Variants in EPM2A observed in about 807,000 individuals in gnomAD.
EPM2A encodes laforin.
A neutral mutation model predicts 26.5 loss-of-function variants in EPM2A; 21 were observed. The ratio of observed to expected loss-of-function variants is 0.79; its 90% confidence interval spans 0.56 to 1.14. The LOEUF (loss-of-function observed/expected upper bound fraction) is 1.14. Ranked by LOEUF, EPM2A falls within the 50% of genes most tolerant of loss-of-function variation. The pLI, the probability that EPM2A is intolerant of heterozygous loss-of-function variation, is 0.00. For missense variants in EPM2A, 458 were observed against 440.8 expected (o/e 1.04, Z -0.35); for synonymous variants, 217 against 177.6 (o/e 1.22, Z -1.76).
intron 1 of EPM2A, among the ~76,000 whole-genome samples, chr6:145,727,035 G>T (rs140934032): frequency 0.011 from 1,653 of 152,112 alleles, 13 homozygotes; most frequent in Admixed American, 0.018. Context: ...ATTCTGAACA[G>T]TTTATTCTTA....
At chr6:145,524,741 T>A (rs1424469656) in intron 2 of EPM2A, among the ~76,000 whole-genome samples, 1 of 152,228 alleles carries the variant, frequency 6.6e-6, no homozygotes, top group Non-Finnish European at 1.5e-5. Context: ...TATTGATAGT[T>A]ACTTTTGCTG....
intron 1 of EPM2A, among the ~76,000 whole-genome samples, chr6:145,724,056 G>A (rs749225143): frequency 3.2e-4 from 49 of 152,072 alleles, no homozygotes; most frequent in Non-Finnish European, 4.6e-4. Context: ...CTGAATACAT[G>A]AGGCATTCAG....
At chr6:145,464,604 T>C (rs1779364224) in intron 4 of EPM2A, among the ~76,000 whole-genome samples, 2 of 152,182 alleles carry the variant, frequency 1.3e-5, no homozygotes, top group South Asian at 2.1e-4. Flanking sequence ...ATTTAGTTCA[T>C]TGTATAATTT....
intron 1 of EPM2A, among the ~76,000 whole-genome samples, chr6:145,713,760 CA>C (rs1775466675): frequency 6.6e-6 from 1 of 152,120 alleles, no homozygotes; most frequent in South Asian, 2.1e-4. Flanking sequence ...CAAGTAAAAA[CA>C]TATGTTCACA....
chr6:145,656,536 A>G (rs1490691759), intron 2 of EPM2A, among the ~76,000 whole-genome samples: 1 of 152,250 alleles, frequency 6.6e-6, no homozygotes, highest in Admixed American at 6.5e-5. Context: ...GGACACTGAG[A>G]TTTGGCATAT....
chr6:145,490,387 G>T, intron 4 of EPM2A: 1 of 938,004 alleles, frequency 1.1e-6, no homozygotes. Context: ...TTGGCATGCA[G>T]TGAGGTGACA....
intron 4 of EPM2A, among the ~76,000 whole-genome samples, chr6:145,464,757 G>C (rs532210128): frequency 6.6e-6 from 1 of 151,742 alleles, no homozygotes; most frequent in African/African-American, 2.4e-5. Flanking sequence ...TGTTATATAG[G>C]TAGATATGAC....
rs1266559813 is a variant in EPM2A, at chr6:145,419,179, G to GCCCA, written c.556-35083_556-35082insTGGG. ...ATTGCCCAAGCAAATTCTGTTAAAT[G>GCCCA]TCCCCCCCCCCCGCTCCTTTCCCCA... On this transcript the variant is annotated intron_variant, in intron 4 of 4. Transcript: ENST00000638717. Among the ~76,000 whole-genome samples the GCCCA allele has an allele frequency of 3.6e-4, 49 of 136,286 alleles. 1 individual carries two copies. The highest frequency in any genetic ancestry group is 3.6e-3 in the Middle Eastern group (1 of 274). 89.4% of individuals were successfully genotyped at this position (136,286 alleles called of 152,430 possible). A position where few individuals can be genotyped will look rare whatever the true frequency, so the allele number is the denominator to read the frequency against.
At chr6:145,443,790 G>A (rs1458288612) in intron 4 of EPM2A, among the ~76,000 whole-genome samples, 1 of 152,064 alleles carries the variant, frequency 6.6e-6, no homozygotes, top group Non-Finnish European at 1.5e-5. Flanking sequence ...CATGGGGGTG[G>A]GTATTTCCCA....
intron 1 of EPM2A, among the ~76,000 whole-genome samples, chr6:145,708,049 C>T (rs1374043206): frequency 1.3e-5 from 2 of 152,192 alleles, no homozygotes; most frequent in African/African-American, 4.8e-5. Context: ...GAGTAAAGGT[C>T]ACTCTTGCTA....
chr6:145,463,424 T>C (rs1487878448), intron 4 of EPM2A: 1 of 152,110 alleles, frequency 6.6e-6, no homozygotes, highest in Non-Finnish European at 1.5e-5. Context: ...CCATGCAATA[T>C]GTAAGATATA....
At chr6:145,577,354 T>A (rs1781045777) in intron 2 of EPM2A, among the ~76,000 whole-genome samples, 1 of 147,732 alleles carries the variant, frequency 6.8e-6, no homozygotes, top group Non-Finnish European at 1.5e-5. Context: ...AAAAAACTTT[T>A]CCATGAAAAT....
At chr6:145,403,777 C>T (rs1004713590) in intron 4 of EPM2A, among the ~76,000 whole-genome samples, 1 of 152,066 alleles carries the variant, frequency 6.6e-6, no homozygotes, top group African/African-American at 2.4e-5. Flanking sequence ...TGTATATATA[C>T]CCAGCAGTGG....
In EPM2A at chr6:145,626,344, T is replaced by C. The variant is rs1461938262; in HGVS notation, c.*1072A>G. On this transcript the variant is annotated 3_prime_UTR_variant, in exon 4 of 4. Transcript: ENST00000367519. ...AGAGCTGAGCCAGGATGGCCAAGGC[T>C]GTGAAGCAATTATCCATGGATTTGG... 3.0e-6 allele frequency: 3 copies of C among 985,948 alleles called. No individual in the cohort carries two copies. Among genetic ancestry groups the C allele is most frequent in the Non-Finnish European group, 3.6e-6 (3 of 830,082 alleles). 61.1% of individuals were successfully genotyped at this position (985,948 alleles called of 1,614,324 possible).
intron 1 of EPM2A, among the ~76,000 whole-genome samples, chr6:145,694,969 C>T (rs1455730993): frequency 1.3e-5 from 2 of 151,858 alleles, no homozygotes; most frequent in South Asian, 2.1e-4. Flanking sequence ...ACATAAAATA[C>T]ATGAAGGGAA....
intron 2 of EPM2A, among the ~76,000 whole-genome samples, chr6:145,512,820 ACT>A (rs901644809): frequency 6.6e-5 from 10 of 151,822 alleles, no homozygotes; most frequent in Non-Finnish European, 1.5e-4. Context: ...TGGGGAAAGA[ACT>A]CTCTATTCAA....
At chr6:145,476,121 A>G (rs1213508721) in intron 4 of EPM2A, among the ~76,000 whole-genome samples, 3 of 152,154 alleles carry the variant, frequency 2.0e-5, no homozygotes, top group African/African-American at 7.2e-5. Flanking sequence ...AGGATTTGCT[A>G]TACTCATATA....
intron 2 of EPM2A, among the ~76,000 whole-genome samples, chr6:145,522,245 C>T (rs1780213082): frequency 6.6e-6 from 1 of 152,126 alleles, no homozygotes; most frequent in African/African-American, 2.4e-5. Flanking sequence ...AGCCACCGCG[C>T]CTGGCCAAGT....
chr6:145,729,531 G>T (rs1361812314), intron 1 of EPM2A, among the ~76,000 whole-genome samples: 1 of 152,196 alleles, frequency 6.6e-6, no homozygotes, highest in African/African-American at 2.4e-5. Flanking sequence ...TTTTATGGCT[G>T]CTCTGCTAGG....
Sources: gnomAD v4.1 joint callset for allele counts (sites outside exome capture counted in the v4.1 genomes callset) on GRCh38, gnomAD v4.1.1 for gene constraint, MANE v1.5 for transcripts, NCBI Gene and HGNC (gene_info 2026-07-23, HGNC 2026-07-21) for gene names.